Variants in PAX3 observed in about 807,000 individuals in gnomAD.
PAX3 encodes paired box protein Pax-3.
PAX3 carries 14 observed loss-of-function variants against 51.6 expected under a neutral mutation model. That is an observed-to-expected ratio of 0.27 (90% CI 0.18 to 0.42). PAX3 has a LOEUF of 0.42. Among genes scored for constraint, PAX3 ranks in the 10% least tolerant of loss-of-function variants. PAX3 has a pLI of 1.00. For missense variants in PAX3, 540 were observed against 642.8 expected, an observed-to-expected ratio of 0.84 and a Z score of 1.73; for synonymous variants, 280 against 253.4, an observed-to-expected ratio of 1.11 and a Z score of -1.00.
At chr2:222,229,168 T>C (rs994947513) in intron 5 of PAX3, among the ~76,000 whole-genome samples, 6 of 151,290 alleles carry the variant, frequency 4.0e-5, no homozygotes, top group African/African-American at 1.5e-4. Flanking sequence ...TGATTTAATT[T>C]GTCTGCCCTT....
intron 4 of PAX3, chr2:222,262,717 T>G (rs1693909285): frequency 6.6e-6 from 1 of 152,182 alleles, no homozygotes; most frequent in Admixed American, 6.5e-5. Flanking sequence ...GAATCACATT[T>G]TTTGATTTTA....
chr2:222,219,607 A>T (rs1341313956), intron 7 of PAX3, among the ~76,000 whole-genome samples: 1 of 152,210 alleles, frequency 6.6e-6, no homozygotes, highest in Non-Finnish European at 1.5e-5. Context: ...TTGTGCATTT[A>T]TAACTCGTTT....
intron 4 of PAX3, among the ~76,000 whole-genome samples, chr2:222,246,070 A>G (rs1028773944): frequency 3.3e-5 from 5 of 152,150 alleles, no homozygotes; most frequent in African/African-American, 7.2e-5. Context: ...TTCAGAGTCA[A>G]TGGGTTCACC....
At chr2:222,246,094 C>T (rs891205085) in intron 4 of PAX3, among the ~76,000 whole-genome samples, 1 of 152,082 alleles carries the variant, frequency 6.6e-6, no homozygotes, top group Non-Finnish European at 1.5e-5. Context: ...ACCACTTTTT[C>T]CCCAAAATTC....
intron 4 of PAX3, chr2:222,232,912 G>C (rs1046335561): frequency 3.9e-5 from 6 of 153,444 alleles, no homozygotes; most frequent in Non-Finnish European, 8.7e-5. Context: ...ACCAGATATG[G>C]GGAAATGCTT....
chr2:222,227,159 A>G (rs1291594759), intron 5 of PAX3, among the ~76,000 whole-genome samples: 2 of 152,200 alleles, frequency 1.3e-5, no homozygotes, highest in East Asian at 1.9e-4. Flanking sequence ...AACGAAACCC[A>G]TATCATCTGA....
chr2:222,291,972 GT>G lies in PAX3; in HGVS notation c.586+2194del, dbSNP rs1695058237. ...TAAATCAGGCTTCAGCCTCCAAGGT[GT>G]GTGTGTGTGTGTGTGTGTGTGTGTG... On this transcript the variant is annotated intron_variant, in intron 4 of 8. Coordinates refer to ENST00000392070, the MANE Select transcript of PAX3 (RefSeq NM_181458.4). Among the ~76,000 whole-genome samples, 164 of 20,924 alleles carry G rather than the reference GT, an allele frequency of 7.8e-3. 1 individual carries two copies. The highest frequency in any genetic ancestry group is 8.1e-3 in the Non-Finnish European group (94 of 11,634). 13.7% of individuals were successfully genotyped at this position (20,924 alleles called of 152,430 possible).
At chr2:222,248,031 T>C (rs1693292120) in intron 4 of PAX3, among the ~76,000 whole-genome samples, 1 of 152,208 alleles carries the variant, frequency 6.6e-6, no homozygotes, top group African/African-American at 2.4e-5. Flanking sequence ...GTCTTCACTC[T>C]AAATATGCAT....
At chr2:222,211,105 G>A (rs73070488) in intron 7 of PAX3, among the ~76,000 whole-genome samples, 8,671 of 152,072 alleles carry the variant, frequency 0.057, 846 homozygotes, top group African/African-American at 0.2. Context: ...AGACACAAGC[G>A]ATCCCACCTC....
intron 1 of PAX3, chr2:222,298,280 G>A (rs1695412945): frequency 1.1e-5 from 6 of 537,662 alleles, no homozygotes; most frequent in Non-Finnish European, 2.0e-5. Context: ...CAAAACAACA[G>A]GGACAAGTCT....
At chr2:222,273,299 A>C (rs1292926244) in intron 4 of PAX3, among the ~76,000 whole-genome samples, 2 of 152,210 alleles carry the variant, frequency 1.3e-5, no homozygotes, top group African/African-American at 4.8e-5. Context: ...TAACTAAAAA[A>C]ATATAACCAC....
chr2:222,212,950 C>T (rs1177885778), intron 7 of PAX3, among the ~76,000 whole-genome samples: 2 of 151,686 alleles, frequency 1.3e-5, no homozygotes, highest in African/African-American at 2.4e-5. Flanking sequence ...CATTTTTTTT[C>T]GACTCAAAAG....
intron 4 of PAX3, among the ~76,000 whole-genome samples, chr2:222,273,396 G>T (rs1016349670): frequency 6.6e-6 from 1 of 152,122 alleles, no homozygotes; most frequent in African/African-American, 2.4e-5. Flanking sequence ...CTATTAACAC[G>T]AGGAAACATA....
chr2:222,264,245 T>C (rs1055021405), intron 4 of PAX3: 2 of 152,260 alleles, frequency 1.3e-5, no homozygotes, highest in Non-Finnish European at 2.9e-5. Flanking sequence ...CATGCTACAA[T>C]ATGTGTGAAC....
chr2:222,220,615 G>A (rs1692157974), intron 6 of PAX3, among the ~76,000 whole-genome samples: 1 of 152,090 alleles, frequency 6.6e-6, no homozygotes, highest in African/African-American at 2.4e-5. Flanking sequence ...AATCATATTA[G>A]CAATGCTAAC....
Position 222,292,649 on chromosome 2 carries a change from G to A in PAX3, c.586+1518C>T, listed in dbSNP as rs138308788. On this transcript the variant is annotated intron_variant, in intron 4 of 8. Coordinates refer to ENST00000392070, the MANE Select transcript of PAX3 (RefSeq NM_181458.4). ...CCCACAGGAGCACATTTGGTTTGGG[G>A]TTGTCTGACTCCCTGCCTTCCTCCC... 5.2e-3 allele frequency among the ~76,000 whole-genome samples: 799 copies of A among 152,290 alleles called. 9 individuals are homozygous for A. Among genetic ancestry groups the A allele is most frequent in the African/African-American group, 0.018 (748 of 41,566 alleles).
chr2:222,247,561 A>G (rs1693274485), intron 4 of PAX3, among the ~76,000 whole-genome samples: 1 of 152,168 alleles, frequency 6.6e-6, no homozygotes, highest in Non-Finnish European at 1.5e-5. Flanking sequence ...TACCTCCATC[A>G]TCAACTGGCT....
chr2:222,236,038 T>G (rs1224358475), intron 4 of PAX3, among the ~76,000 whole-genome samples: 1 of 152,210 alleles, frequency 6.6e-6, no homozygotes, highest in Non-Finnish European at 1.5e-5. Context: ...AGCCACAATC[T>G]TACAAGATAA....
intron 7 of PAX3, among the ~76,000 whole-genome samples, chr2:222,211,642 G>T (rs1691740406): frequency 6.6e-6 from 1 of 152,116 alleles, no homozygotes; most frequent in Non-Finnish European, 1.5e-5. Flanking sequence ...AGAAACAAAT[G>T]GATCAAGAGT....
Sources: gnomAD v4.1 joint callset for allele counts (sites outside exome capture counted in the v4.1 genomes callset) on GRCh38, gnomAD v4.1.1 for gene constraint, MANE v1.5 for transcripts, NCBI Gene and HGNC (gene_info 2026-07-23, HGNC 2026-07-21) for gene names.